DLG2: variants seen among roughly 807,000 people sequenced by gnomAD.
The protein encoded by DLG2 is disks large homolog 2.
In DLG2, 45 loss-of-function variants were observed where a neutral mutation model predicts 132.5. The ratio of observed to expected loss-of-function variants is 0.34; its 90% CI spans 0.27 to 0.44. The LOEUF (loss-of-function observed/expected upper bound fraction) is 0.44, where lower values mean the gene tolerates loss of function less well. DLG2 is among the 20% of genes least tolerant of loss of function. The pLI is 1.00. For missense variants in DLG2, 1,045 were observed against 1,196.9 expected (o/e 0.87, Z 1.87); for synonymous variants, 424 against 419.6 (o/e 1.01, Z -0.13).
intron 6 of DLG2, chr11:84,923,590 G>C: frequency 1.0e-6 from 1 of 991,894 alleles, no homozygotes; most frequent in Admixed American, 5.8e-5. Flanking sequence ...GACTGTAAAT[G>C]AAGAGGAAAC....
At chr11:85,621,634 G>A (rs555268455) in intron 2 of DLG2, among the ~76,000 whole-genome samples, 1 of 152,330 alleles carries the variant, frequency 6.6e-6, no homozygotes, top group East Asian at 1.9e-4. Flanking sequence ...ACTTCAGATG[G>A]AATGGAAATA....
chr11:84,241,277 C>A (rs752370496), intron 8 of DLG2, among the ~76,000 whole-genome samples: 36 of 152,276 alleles, frequency 2.4e-4, no homozygotes, highest in Non-Finnish European at 4.7e-4. Context: ...GCAATATTTT[C>A]TTTGTGCTTC....
chr11:84,010,099 T>C (rs2094798738), intron 11 of DLG2, among the ~76,000 whole-genome samples: 1 of 151,964 alleles, frequency 6.6e-6, no homozygotes. Context: ...ATTTAAAATA[T>C]ATCTCAAGAA....
intron 16 of DLG2, among the ~76,000 whole-genome samples, chr11:83,834,907 T>C (rs1017876670): frequency 1.3e-5 from 2 of 152,204 alleles, no homozygotes; most frequent in African/African-American, 4.8e-5. Flanking sequence ...AACATCTCAG[T>C]TCATCTTCTA....
chr11:84,615,329 G>T (rs936693601), intron 6 of DLG2, among the ~76,000 whole-genome samples: 1 of 152,120 alleles, frequency 6.6e-6, no homozygotes, highest in Non-Finnish European at 1.5e-5. Flanking sequence ...AATAAATACA[G>T]ACATGGACGC....
At chr11:84,301,819 AC>A (rs2154382086) in intron 7 of DLG2, among the ~76,000 whole-genome samples, 1 of 152,158 alleles carries the variant, frequency 6.6e-6, no homozygotes, top group African/African-American at 2.4e-5. Flanking sequence ...AACCAGAAAT[AC>A]CATTTGACCC....
At chr11:84,916,504 A>T (rs955011323) in intron 6 of DLG2, among the ~76,000 whole-genome samples, 1 of 152,074 alleles carries the variant, frequency 6.6e-6, no homozygotes, top group Non-Finnish European at 1.5e-5. Flanking sequence ...AGACAAGAAG[A>T]TAGATATCAA....
chr11:83,583,181 C>A (rs916840396), intron 19 of DLG2, among the ~76,000 whole-genome samples: 2 of 152,264 alleles, frequency 1.3e-5, no homozygotes, highest in Non-Finnish European at 2.9e-5. Context: ...ATTTGTTCAG[C>A]CTTTATTTGG....
chr11:83,925,364 A>G (rs34229271), intron 15 of DLG2, among the ~76,000 whole-genome samples: 12,024 of 152,106 alleles, frequency 0.079, 671 homozygotes, highest in Non-Finnish European at 0.12. Flanking sequence ...CTGATTCATG[A>G]ATTGTTCTTT....
chr11:85,148,826 TG>T (rs2077035716), intron 5 of DLG2, among the ~76,000 whole-genome samples: 1 of 152,238 alleles, frequency 6.6e-6, no homozygotes, highest in African/African-American at 2.4e-5. Context: ...TCTTTGCCCA[TG>T]CCTCTGTCTT....
intron 3 of DLG2, among the ~76,000 whole-genome samples, chr11:85,434,955 T>C (rs1168979310): frequency 6.6e-6 from 1 of 151,998 alleles, no homozygotes; most frequent in Non-Finnish European, 1.5e-5. Flanking sequence ...CAGCAGCAAA[T>C]CAAAAAGCTT....
intron 7 of DLG2, among the ~76,000 whole-genome samples, chr11:84,530,006 G>C (rs2099331321): frequency 6.6e-6 from 1 of 152,054 alleles, no homozygotes; most frequent in African/African-American, 2.4e-5. Flanking sequence ...ACGATTATCT[G>C]ATCTTCAATA....
chr11:84,659,762 G>C (rs757829836), intron 6 of DLG2, among the ~76,000 whole-genome samples: 3 of 152,106 alleles, frequency 2.0e-5, no homozygotes, highest in Non-Finnish European at 4.4e-5. Flanking sequence ...GATATCAATT[G>C]CAAGTTTGGG....
At chr11:85,056,602 C>T (rs1289626019) in intron 6 of DLG2, among the ~76,000 whole-genome samples, 1 of 151,854 alleles carries the variant, frequency 6.6e-6, no homozygotes, top group Non-Finnish European at 1.5e-5. Context: ...GTATAATGAT[C>T]AGTACATTTT....
intron 3 of DLG2, among the ~76,000 whole-genome samples, chr11:85,508,081 C>T (rs1008001193): frequency 5.3e-5 from 8 of 152,072 alleles, no homozygotes; most frequent in African/African-American, 1.9e-4. Context: ...CTTCTCTATG[C>T]TGTTTATTCT....
chr11:85,138,479 G>A (rs2076260742), intron 5 of DLG2, among the ~76,000 whole-genome samples: 1 of 152,124 alleles, frequency 6.6e-6, no homozygotes, highest in Non-Finnish European at 1.5e-5. Context: ...TTGCTTTCAA[G>A]TCAATATAAA....
chr11:84,181,248 C>T (rs1227956566), intron 8 of DLG2, among the ~76,000 whole-genome samples: 3 of 151,684 alleles, frequency 2.0e-5, no homozygotes, highest in Non-Finnish European at 2.9e-5. Flanking sequence ...GACACTTGTA[C>T]TATTTGTGAA....
chr11:84,855,270 A>G (rs2082632207), intron 6 of DLG2, among the ~76,000 whole-genome samples: 1 of 152,092 alleles, frequency 6.6e-6, no homozygotes, highest in South Asian at 2.1e-4. Flanking sequence ...CTGCTCATAA[A>G]TGTGACTCCC....
chr11:85,309,104 C>T (rs1215248296), intron 3 of DLG2, among the ~76,000 whole-genome samples: 1 of 151,960 alleles, frequency 6.6e-6, no homozygotes, highest in Non-Finnish European at 1.5e-5. Flanking sequence ...TATTTACCAC[C>T]AACATAAAAA....
Sources: allele counts gnomAD v4.1 joint callset (sites outside exome capture counted in the v4.1 genomes callset), GRCh38; gene constraint gnomAD v4.1.1; transcripts MANE v1.5; gene names NCBI Gene and HGNC (gene_info 2026-07-23, HGNC 2026-07-21).